DPYSL3: variants seen among roughly 807,000 people sequenced by gnomAD.
The protein encoded by DPYSL3 is dihydropyrimidinase like 3.
DPYSL3 carries 16 observed loss-of-function variants against 66.1 expected under a neutral mutation model. The observed-to-expected ratio is 0.24, with a 90% CI of 0.16 to 0.37. DPYSL3 has a LOEUF of 0.37. DPYSL3 is among the 10% of genes least tolerant of loss of function. The pLI, the probability that DPYSL3 is intolerant of heterozygous loss-of-function variation, is 1.00. For missense variants in DPYSL3, 738 were observed against 916.2 expected, an observed-to-expected ratio of 0.81 and a Z score of 2.51; for synonymous variants, 338 against 345.1, an observed-to-expected ratio of 0.98 and a Z score of 0.23.
intron 1 of DPYSL3, among the ~76,000 whole-genome samples, chr5:147,427,206 A>G (rs1453627553): frequency 2.0e-5 from 3 of 152,244 alleles, no homozygotes; most frequent in African/African-American, 7.2e-5. Context: ...CTGACCTTCC[A>G]GCAAATTTCA....
chr5:147,437,871 T>A (rs561561145), intron 1 of DPYSL3, among the ~76,000 whole-genome samples: 2 of 152,318 alleles, frequency 1.3e-5, no homozygotes, highest in African/African-American at 4.8e-5. Context: ...AGATTCTCAA[T>A]AAATGTGAGT....
intron 1 of DPYSL3, among the ~76,000 whole-genome samples, chr5:147,486,737 T>C (rs1753335102): frequency 6.6e-6 from 1 of 152,178 alleles, no homozygotes; most frequent in South Asian, 2.1e-4. Context: ...AAAGAATACA[T>C]GAGTCAAAGA....
intron 1 of DPYSL3, among the ~76,000 whole-genome samples, chr5:147,447,276 G>T (rs1752645858): frequency 6.6e-6 from 1 of 152,212 alleles, no homozygotes; most frequent in Non-Finnish European, 1.5e-5. Flanking sequence ...TGGGCTTCAT[G>T]TAGGGACTGG....
chr5:147,410,595 C>T (rs1246377870), intron 6 of DPYSL3, among the ~76,000 whole-genome samples: 2 of 152,106 alleles, frequency 1.3e-5, no homozygotes, highest in African/African-American at 4.8e-5. Context: ...ACATCTTCCC[C>T]GTCCAAGGCT....
rs993987403 is a variant in DPYSL3, at chr5:147,402,590, G to A, written c.1154-894C>T. Among the ~76,000 whole-genome samples the A allele has an allele frequency of 8.9e-5, 12 of 135,066 alleles. 1 individual carries two copies. Among genetic ancestry groups the A allele is most frequent in the African/African-American group, 1.9e-4 (5 of 26,230 alleles). The allele number at this position is 135,066 out of a possible 152,430, so 88.6% of individuals were successfully genotyped here. A position where few individuals can be genotyped will look rare whatever the true frequency, so the allele number is the denominator to read the frequency against. On this transcript the variant is annotated intron_variant, in intron 8 of 13. Transcript: ENST00000343218. The stretch of plus-strand genomic sequence containing the variant: ...TCTTGATCTCCTGACCTCGTGATCC[G>A]CCCGCCTCGGCCTCCCAAAGTGCTG...
intron 1 of DPYSL3, among the ~76,000 whole-genome samples, chr5:147,500,240 T>G (rs915565062): frequency 6.6e-6 from 1 of 152,170 alleles, no homozygotes; most frequent in African/African-American, 2.4e-5. Flanking sequence ...GAGAAGGCAA[T>G]CCACAGACTG....
intron 1 of DPYSL3, among the ~76,000 whole-genome samples, chr5:147,492,581 A>G (rs919867045): frequency 1.3e-5 from 2 of 152,020 alleles, no homozygotes; most frequent in African/African-American, 4.8e-5. Context: ...TACTCATAAA[A>G]TAATACAGCA....
chr5:147,427,557 G>T (rs1479302114), intron 1 of DPYSL3, among the ~76,000 whole-genome samples: 2 of 152,176 alleles, frequency 1.3e-5, no homozygotes, highest in African/African-American at 4.8e-5. Flanking sequence ...AAAATTATAT[G>T]AGGCAGTCCT....
chr5:147,425,003 G>T (rs745959742), intron 1 of DPYSL3, 40 bp from the exon 2 acceptor site: 1 of 1,511,110 alleles, frequency 6.6e-7, no homozygotes, highest in East Asian at 2.3e-5. Flanking sequence ...TCACAGGTAT[G>T]ATTTCAGAGA....
At chr5:147,425,340 T>C (rs1752175925) in intron 1 of DPYSL3, among the ~76,000 whole-genome samples, 1 of 152,222 alleles carries the variant, frequency 6.6e-6, no homozygotes, top group African/African-American at 2.4e-5. Context: ...TCTAGTACTC[T>C]GTTGACACTC....
chr5:147,471,954 G>A (rs929411666), intron 1 of DPYSL3, among the ~76,000 whole-genome samples: 2 of 152,086 alleles, frequency 1.3e-5, no homozygotes, highest in Non-Finnish European at 2.9e-5. Context: ...CTCAGGCTTC[G>A]AGGTTTCTGT....
At chr5:147,482,705 C>T (rs540341343) in intron 1 of DPYSL3, among the ~76,000 whole-genome samples, 1 of 152,246 alleles carries the variant, frequency 6.6e-6, no homozygotes, top group East Asian at 1.9e-4. Flanking sequence ...CATAAGATTA[C>T]TTCTGATTTT....
At chr5:147,499,825 A>T (rs1753576325) in intron 1 of DPYSL3, among the ~76,000 whole-genome samples, 1 of 152,250 alleles carries the variant, frequency 6.6e-6, no homozygotes, top group East Asian at 1.9e-4. Flanking sequence ...AGCAATCAAG[A>T]CAGTACAATC....
intron 9 of DPYSL3, 62 bp downstream of exon 9, chr5:147,401,478 C>CCCCAGCTG: frequency 6.6e-7 from 1 of 1,522,338 alleles, no homozygotes. Flanking sequence ...TGTCCTCAAC[C>CCCCAGCTG]CCCAGCTGGA....
At chr5:147,443,733 G>T (rs1192307543) in intron 1 of DPYSL3, among the ~76,000 whole-genome samples, 1 of 152,154 alleles carries the variant, frequency 6.6e-6, no homozygotes, top group African/African-American at 2.4e-5. Context: ...GGCATGCAGT[G>T]TGGAGTATGA....
Position 147,509,383 on chromosome 5 carries a change from C to T in DPYSL3, c.381+95G>A, listed in dbSNP as rs572304178. The T allele has an allele frequency of 1.1e-5, 15 of 1,409,886 alleles. No homozygotes were observed. The African/African-American group carries it at 1.9e-4, about 18-fold the overall frequency. 87.3% of individuals were successfully genotyped at this position (1,409,886 alleles called of 1,614,324 possible). On this transcript the variant is annotated intron_variant, in intron 1 of 13. Transcript: ENST00000343218. The surrounding 1 kb of genome is among the most constrained non-coding windows in gnomAD (Gnocchi z 5.3). ...CTCCTCCTTGTCCCCCAGCCCCGTG[C>T]AAAGTGAGCTGGAGAAAGTTGTGCC...
intron 1 of DPYSL3, among the ~76,000 whole-genome samples, chr5:147,463,254 G>A (rs760494811): frequency 4.6e-5 from 7 of 152,274 alleles, no homozygotes; most frequent in Admixed American, 2.6e-4. Flanking sequence ...AGTAGAGCAA[G>A]CTGAAAATAG....
intron 1 of DPYSL3, among the ~76,000 whole-genome samples, chr5:147,486,075 T>C (rs1753324817): frequency 1.3e-5 from 2 of 152,142 alleles, no homozygotes; most frequent in South Asian, 4.1e-4. Flanking sequence ...TTGAAAACTA[T>C]GCGAAGTGAA....
chr5:147,481,197 A>C (rs1430022407), intron 1 of DPYSL3, among the ~76,000 whole-genome samples: 5 of 152,198 alleles, frequency 3.3e-5, no homozygotes, highest in Admixed American at 3.3e-4. Flanking sequence ...GCTGTGTGAC[A>C]GTTGGCAAGT....
Sources: allele counts gnomAD v4.1 joint callset (sites outside exome capture counted in the v4.1 genomes callset), GRCh38; gene constraint gnomAD v4.1.1; non-coding constraint Gnocchi (gnomAD v3.1); transcripts MANE v1.5; gene names NCBI Gene and HGNC (gene_info 2026-07-23, HGNC 2026-07-21).